FAT1: variants seen among roughly 807,000 people sequenced by gnomAD.
FAT1 encodes the protein FAT atypical cadherin 1.
Under a neutral mutation model 329.8 loss-of-function variants are expected in FAT1, and 171 were observed. The ratio of observed to expected loss-of-function variants is 0.52; its 90% CI spans 0.46 to 0.59. The LOEUF (loss-of-function observed/expected upper bound fraction) is 0.59. FAT1 is among the 20% of genes least tolerant of loss of function. The pLI is 0.00. For missense variants in FAT1, 5,672 were observed against 5,774.4 expected (o/e 0.98, Z 0.57); for synonymous variants, 2,233 against 2,228.6 (o/e 1.00, Z -0.06).
At chr4:186,628,082 T>G in intron 9 of FAT1, 72 bp downstream of exon 9, 3 of 1,506,434 alleles carry the variant, frequency 2.0e-6, no homozygotes, top group Non-Finnish European at 2.7e-6. Context: ...TACCCAGAAC[T>G]GATTTTGGAA....
In FAT1 at chr4:186,589,095, T is replaced by C. The variant is rs1248948388; in HGVS notation, c.13264A>G (p.Thr4422Ala). ...LYSADPNAID[T>A]DYYPGGYDIE... ...TCGTAGCCTCCAGGGTAATAGTCCG[T>C]ATCGATGGCGTTTGGATCTGCTGAG... The change falls in exon 27 of 27, where the codon ACG (threonine) becomes GCG (alanine). Residue 4422 changes from threonine (T) to alanine (A), a missense_variant. Physicochemically the swap from Thr to Ala is moderately conservative, Grantham distance 58 (BLOSUM62 0). Around this residue, in one of 2 missense-constraint regions of FAT1, gnomAD observed 1,706 missense variants for 1,859.1 expected, o/e 0.92. Coordinates refer to ENST00000441802, the MANE Select transcript of FAT1 (RefSeq NM_005245.4). The C allele has an allele frequency of 2.5e-6, 4 of 1,613,928 alleles. No individual in the cohort carries two copies. The South Asian group carries it at 3.3e-5, about 13-fold the overall frequency.
intron 9 of FAT1, among the ~76,000 whole-genome samples, chr4:186,624,125 G>A (rs529312631): frequency 4.3e-4 from 65 of 149,526 alleles, no homozygotes; most frequent in African/African-American, 1.6e-3. Flanking sequence ...AGATGCACTG[G>A]TGCTGTTGAA....
In FAT1 at chr4:186,708,163, A is replaced by AGAAAG; in HGVS notation, c.1664_1665insCTTTC (p.Thr556PhefsTer9). ...CATTCAAGTTATTGAGAGTAATTGT[A>AGAAAG]GCAAGGACTTCGACTTCCCGGCGGT... On this transcript the variant is annotated frameshift_variant, in exon 2 of 27. Coordinates refer to ENST00000441802, the MANE Select transcript of FAT1 (RefSeq NM_005245.4). LOFTEE classifies it high-confidence loss of function. 1 of 1,614,026 alleles carries AGAAAG rather than the reference A, an allele frequency of 6.2e-7. No homozygotes were observed. Among genetic ancestry groups the AGAAAG allele is most frequent in the Non-Finnish European group, 8.5e-7 (1 of 1,179,906 alleles).
At chr4:186,598,970 G>A (rs1202600717) in intron 22 of FAT1, 1 of 152,356 alleles carries the variant, frequency 6.6e-6, no homozygotes, top group Non-Finnish European at 1.5e-5. Context: ...TTCTCAGGAT[G>A]AAGAACTGTG....
At position 186,596,706 on chromosome 4, in the gene FAT1, G is replaced by A. The variant is rs747560221; in HGVS notation, c.12834C>T (p.Ile4278=). The change falls in exon 25 of 27, where the codon ATC becomes ATT. Residue 4278 remains isoleucine, a synonymous_variant. Coordinates refer to ENST00000441802, the MANE Select transcript of FAT1 (RefSeq NM_005245.4). This position sits in a 1 kb window ranked among gnomAD's most constrained non-coding sequence, Gnocchi z 4.7. ...AAGTGCTGAATTCGGGATGCTCTGG[G>A]ATAGCAGATCCTTCGAAGGAATTTC... ...LDRNSFEGSA[I]PEHPEFSTFN... is the part of the protein sequence containing the mutation. 6 of 1,613,872 alleles carry A rather than the reference G, an allele frequency of 3.7e-6. No homozygotes were observed. Among genetic ancestry groups the A allele is most frequent in the East Asian group, 4.5e-5 (2 of 44,870 alleles).
intron 1 of FAT1, 106 bp downstream of exon 1, chr4:186,723,558 G>C (rs1411166333): frequency 1.3e-5 from 2 of 152,304 alleles, no homozygotes; most frequent in East Asian, 3.9e-4. Flanking sequence ...GTTTTCGGCA[G>C]CGCCGGAGCC....
chr4:186,670,522 G>A lies in FAT1; in HGVS notation c.3266-6909C>T, dbSNP rs1006588503. On this transcript the variant is annotated intron_variant, in intron 2 of 26. Transcript: ENST00000441802. ...AGAGACATACCATCAACACACTAGA[G>A]AGCCAATATCTCTGTTGCTGCAATT... is the stretch of plus-strand genomic sequence containing the variant. Among the ~76,000 whole-genome samples the A allele has an allele frequency of 4.2e-4, 64 of 152,204 alleles. 1 individual carries two copies. The highest frequency in any genetic ancestry group is 1.4e-3 in the African/African-American group (60 of 41,526).
chr4:186,688,251 G>T (rs984714660), intron 2 of FAT1, among the ~76,000 whole-genome samples: 1 of 151,940 alleles, frequency 6.6e-6, no homozygotes, highest in Non-Finnish European at 1.5e-5. Context: ...CACCCACAGA[G>T]ATATGGCAAG....
At chr4:186,680,470 G>A (rs1056505497) in intron 2 of FAT1, among the ~76,000 whole-genome samples, 9 of 152,068 alleles carry the variant, frequency 5.9e-5, no homozygotes, top group Non-Finnish European at 1.0e-4. Context: ...TCTCTCTTCA[G>A]GCACCACTCC....
At position 186,619,841 on chromosome 4, in the gene FAT1, C is replaced by G. The variant is rs757017494; in HGVS notation, c.6745G>C (p.Ala2249Pro). ...IAPLDFEAHP[A>P]YKLSIRATDS... is the part of the protein sequence containing the mutation. ...GTTGCGCGTATGCTCAGCTTATATG[C>G]CGGGTGGGCCTCAAAGTCCAGAGGA... The change falls in exon 10 of 27, where the codon GCA becomes CCA. Residue 2249 changes from alanine (A) to proline (P), a missense_variant. Ala to Pro is a conservative substitution (Grantham distance 27, BLOSUM62 -1). This residue lies in a region of FAT1 where 3,966 missense variants were observed against 3,915.2 expected (regional missense o/e 1.01). Transcript: ENST00000441802. The G allele has an allele frequency of 1.2e-6, 2 of 1,613,952 alleles. No individual in the cohort carries two copies. The highest frequency in any genetic ancestry group is 1.7e-6 in the Non-Finnish European group (2 of 1,179,872).
chr4:186,592,684 C>G (rs936937324), intron 26 of FAT1: 1 of 456,594 alleles, frequency 2.2e-6, no homozygotes, highest in Non-Finnish European at 4.4e-6. Flanking sequence ...CGAGCACTTA[C>G]AACTGTACCT....
rs187887668 is a variant in FAT1, at chr4:186,623,200, G to A, written c.4811-1425C>T. On this transcript the variant is annotated intron_variant, in intron 9 of 26. Coordinates refer to ENST00000441802, the MANE Select transcript of FAT1 (RefSeq NM_005245.4). ...GCCCAGGGTTTCTCTAGGCCCTGAC[G>A]CTCTGAGCTGAACCCTGGCCGAGAA... is the stretch of plus-strand genomic sequence containing the variant. Among the ~76,000 whole-genome samples the A allele has an allele frequency of 3.0e-4, 46 of 152,314 alleles. No individual in the cohort carries two copies. The East Asian group carries it at 6.2e-3, about 20-fold the overall frequency.
intron 13 of FAT1, 129 bp from the exon 14 acceptor site, chr4:186,611,904 A>G: frequency 1.6e-6 from 1 of 642,290 alleles, no homozygotes; most frequent in South Asian, 2.0e-5. Flanking sequence ...GCTCACTGCA[A>G]CCTCTGTCCC....
intron 3 of FAT1, among the ~76,000 whole-genome samples, chr4:186,647,870 C>T (rs765430004): frequency 6.6e-6 from 1 of 152,214 alleles, no homozygotes; most frequent in Non-Finnish European, 1.5e-5. Flanking sequence ...TTCTACCCTT[C>T]AATCCTGACT....
At chr4:186,639,901 G>A (rs1398857884) in intron 3 of FAT1, 118 bp from the exon 4 acceptor site, 6 of 792,658 alleles carry the variant, frequency 7.6e-6, no homozygotes, top group Admixed American at 2.2e-5. Flanking sequence ...CAGCACTTTG[G>A]GAGGCCCAGG....
At chr4:186,670,308 G>A (rs1282118687) in intron 2 of FAT1, among the ~76,000 whole-genome samples, 1 of 152,144 alleles carries the variant, frequency 6.6e-6, no homozygotes, top group African/African-American at 2.4e-5. Flanking sequence ...GGCAGCAATT[G>A]TATTAAAAGC....
Position 186,642,827 on chromosome 4 carries a change from A to G in FAT1, c.3581-3044T>C, listed in dbSNP as rs1345100446. On this transcript the variant is annotated intron_variant, in intron 3 of 26. Transcript: ENST00000441802. ...AGTGGGCCTATAAAAACGGTAGAGA[A>G]AATAGCGGGCCGATCTTCAACCTAG... Among the ~76,000 whole-genome samples, 3 of 152,348 alleles carry G rather than the reference A, an allele frequency of 2.0e-5. No homozygotes were observed. The East Asian group carries it at 5.8e-4, about 29-fold the overall frequency.
intron 2 of FAT1, among the ~76,000 whole-genome samples, chr4:186,702,866 G>A (rs1744393602): frequency 6.6e-6 from 1 of 152,140 alleles, no homozygotes; most frequent in Non-Finnish European, 1.5e-5. Flanking sequence ...CAGGCAGACC[G>A]AACCCTGAAT....
rs534031484 is a variant in FAT1, at chr4:186,676,511, A to T, written c.3266-12898T>A. Among the ~76,000 whole-genome samples the T allele has an allele frequency of 3.2e-4, 48 of 152,344 alleles. 1 individual carries two copies. The Middle Eastern group carries it at 0.01, about 32-fold the overall frequency. On this transcript the variant is annotated intron_variant, in intron 2 of 26. Coordinates refer to ENST00000441802, the MANE Select transcript of FAT1 (RefSeq NM_005245.4). ...ATGTAAAAGCAACCTTTAAAAGTTA[A>T]GAGTGACTTACAGGTTTTCATAGGC...
Sources: allele counts gnomAD v4.1 joint callset (sites outside exome capture counted in the v4.1 genomes callset), GRCh38; gene constraint gnomAD v4.1.1; regional missense constraint gnomAD v4.1.1; non-coding constraint Gnocchi (gnomAD v3.1); transcripts MANE v1.5; gene names NCBI Gene and HGNC (gene_info 2026-07-23, HGNC 2026-07-21).